Variants in SHANK2 observed in about 807,000 individuals in gnomAD.
SHANK2 encodes SH3 and multiple ankyrin repeat domains 2.
Under a neutral mutation model 133.7 loss-of-function variants are expected in SHANK2, and 43 were observed. The ratio of observed to expected loss-of-function variants is 0.32; its 90% CI spans 0.25 to 0.41. The LOEUF is 0.41. Ranked by LOEUF, SHANK2 falls within the 10% of genes least tolerant of loss-of-function variation. The pLI is 1.00. For missense variants in SHANK2, 1,994 were observed against 2,235.8 expected (o/e 0.89, Z 2.18); for synonymous variants, 1,017 against 952.8 (o/e 1.07, Z -1.24).
chr11:70,550,005 G>A (rs1408143442), intron 17 of SHANK2, among the ~76,000 whole-genome samples: 1 of 152,114 alleles, frequency 6.6e-6, no homozygotes, highest in Non-Finnish European at 1.5e-5. Flanking sequence ...GCACTGCCCT[G>A]TAGCCTCCCC....
chr11:70,655,986 G>A (rs1388768680), intron 17 of SHANK2, among the ~76,000 whole-genome samples: 13 of 152,148 alleles, frequency 8.5e-5, no homozygotes, highest in African/African-American at 2.9e-4. Flanking sequence ...AGGTTTCACT[G>A]AGTGAGACCT....
intron 15 of SHANK2, among the ~76,000 whole-genome samples, chr11:70,677,243 C>T (rs995481303): frequency 4.6e-5 from 7 of 152,184 alleles, no homozygotes; most frequent in African/African-American, 1.7e-4. Flanking sequence ...TCTGCTAGAC[C>T]TGAGGACCAG....
intron 14 of SHANK2, among the ~76,000 whole-genome samples, chr11:70,748,012 T>C (rs926462233): frequency 1.3e-5 from 2 of 152,124 alleles, no homozygotes; most frequent in African/African-American, 4.8e-5. Context: ...CACTGCTATA[T>C]GGAACAGTGG....
chr11:70,776,893 C>T (rs1370984469), intron 14 of SHANK2, among the ~76,000 whole-genome samples: 1 of 151,118 alleles, frequency 6.6e-6, no homozygotes, highest in Admixed American at 6.6e-5. Flanking sequence ...ATCCACCCAC[C>T]CACTCACCCA....
chr11:71,104,994 G>A (rs570099465), intron 6 of SHANK2, among the ~76,000 whole-genome samples: 6 of 152,234 alleles, frequency 3.9e-5, no homozygotes, highest in East Asian at 1.9e-4. Context: ...GTGTATGATC[G>A]CTGTTAGTTT....
At chr11:70,538,186 C>T (rs1312900342) in intron 17 of SHANK2, among the ~76,000 whole-genome samples, 5 of 152,354 alleles carry the variant, frequency 3.3e-5, no homozygotes, top group Non-Finnish European at 5.9e-5. Flanking sequence ...AGCTGAGTCA[C>T]CCCACCCGGG....
chr11:70,505,597 C>T (rs374814930), intron 17 of SHANK2, among the ~76,000 whole-genome samples: 3 of 152,238 alleles, frequency 2.0e-5, no homozygotes, highest in Admixed American at 1.3e-4. Flanking sequence ...CCCCCAGTGC[C>T]GGGCCTTGAG....
intron 10 of SHANK2, among the ~76,000 whole-genome samples, chr11:70,906,066 G>A (rs782374303): frequency 4.6e-5 from 7 of 152,148 alleles, no homozygotes; most frequent in Non-Finnish European, 8.8e-5. Flanking sequence ...GCCGGCCTAG[G>A]CCTCCCAAAG....
intron 21 of SHANK2, among the ~76,000 whole-genome samples, chr11:70,497,506 C>G (rs1450793229): frequency 6.6e-6 from 1 of 152,180 alleles, no homozygotes; most frequent in East Asian, 1.9e-4. Flanking sequence ...TGAAGATGCC[C>G]CAGCAGTCAC....
intron 1 of SHANK2, among the ~76,000 whole-genome samples, chr11:71,239,825 G>A (rs1954866400): frequency 6.6e-6 from 1 of 152,128 alleles, no homozygotes; most frequent in Admixed American, 6.5e-5. Context: ...CTGGCTGGAT[G>A]GTCTGTGACC....
chr11:70,785,144 G>A (rs949598295), intron 14 of SHANK2, among the ~76,000 whole-genome samples: 1 of 152,096 alleles, frequency 6.6e-6, no homozygotes, highest in Non-Finnish European at 1.5e-5. Context: ...GTGAGCCTCC[G>A]GGAGGACCCA....
chr11:70,502,734 C>CGGGGGGGGGG, intron 18 of SHANK2, 62 bp downstream of exon 18: 6 of 679,558 alleles, frequency 8.8e-6, no homozygotes, highest in Admixed American at 3.1e-5. Flanking sequence ...CTGTCCTGCC[C>CGGGGGGGGGG]GCCCCCACCC....
At chr11:71,144,240 A>T (rs1284379822) in intron 3 of SHANK2, among the ~76,000 whole-genome samples, 1 of 152,192 alleles carries the variant, frequency 6.6e-6, no homozygotes, top group East Asian at 1.9e-4. Context: ...CCATGCACAC[A>T]TAACTAGCTA....
At chr11:70,697,257 G>A (rs61886415) in intron 15 of SHANK2, among the ~76,000 whole-genome samples, 8,437 of 152,250 alleles carry the variant, frequency 0.055, 312 homozygotes, top group Middle Eastern at 0.11. Context: ...ACAAATGGTC[G>A]GAATAGGAAA....
At chr11:70,598,340 A>T (rs2060429433) in intron 17 of SHANK2, among the ~76,000 whole-genome samples, 1 of 152,202 alleles carries the variant, frequency 6.6e-6, no homozygotes. Context: ...TCTGGGAAGG[A>T]GCTGAAAATG....
intron 11 of SHANK2, among the ~76,000 whole-genome samples, chr11:70,826,026 G>A (rs1199958588): frequency 6.6e-6 from 1 of 152,172 alleles, no homozygotes; most frequent in Admixed American, 6.5e-5. Context: ...CTGCAACCCC[G>A]GGATGGGAGA....
intron 14 of SHANK2, among the ~76,000 whole-genome samples, chr11:70,734,693 T>G (rs1392019561): frequency 6.6e-6 from 1 of 152,170 alleles, no homozygotes; most frequent in Non-Finnish European, 1.5e-5. Context: ...CCACAGCCTG[T>G]GCCCTGGAGG....
At chr11:70,626,148 C>A (rs972477045) in intron 17 of SHANK2, among the ~76,000 whole-genome samples, 1 of 152,304 alleles carries the variant, frequency 6.6e-6, no homozygotes, top group East Asian at 1.9e-4. Flanking sequence ...CAGCTGGCAA[C>A]GGAAAACACC....
intron 17 of SHANK2, among the ~76,000 whole-genome samples, chr11:70,636,271 ATG>A (rs1363935672): frequency 1.5e-4 from 23 of 152,218 alleles, no homozygotes; most frequent in East Asian, 5.8e-4. Flanking sequence ...GCGAGCATGC[ATG>A]TGTGTGTACA....
Sources: gnomAD v4.1 joint callset for allele counts (sites outside exome capture counted in the v4.1 genomes callset) on GRCh38, gnomAD v4.1.1 for gene constraint, MANE v1.5 for transcripts, NCBI Gene and HGNC (gene_info 2026-07-23, HGNC 2026-07-21) for gene names.